Variants in CADPS observed in about 807,000 individuals in gnomAD.
The protein encoded by CADPS is calcium-dependent secretion activator 1.
In CADPS, 57 loss-of-function variants were observed where a neutral mutation model predicts 167.3. That is an observed-to-expected ratio of 0.34 (90% CI 0.28 to 0.42). The LOEUF (loss-of-function observed/expected upper bound fraction) is 0.42, where lower values mean the gene tolerates loss of function less well. CADPS is among the 20% of genes least tolerant of loss of function. The probability of loss-of-function intolerance (pLI) is 1.00; values close to 1 mark genes in which losing one functional copy is unlikely to be tolerated. For missense variants in CADPS, 1,414 were observed against 1,738.1 expected (o/e 0.81, Z 3.32); for synonymous variants, 676 against 635.3 (o/e 1.06, Z -0.96).
chr3:62,645,807 C>A lies in CADPS; in HGVS notation c.1240G>T (p.Ala414Ser), dbSNP rs142795732. Reference protein sequence around the residue: ...IMEVQGLKSLAPNRIVYCTME... With the variant: ...IMEVQGLKSLSPNRIVYCTME... ...GTGCAATATACGATGCGATTTGGAGCCAAAGATTTGAGGCCTTGGACTTCC... is the reference window on the plus strand; with the variant it reads ...GTGCAATATACGATGCGATTTGGAGACAAAGATTTGAGGCCTTGGACTTCC... Residue 414 changes from alanine to serine, a missense_variant, in exon 6 of 30, where the codon GCT (alanine) becomes TCT (serine). Transcript: ENST00000383710. 2.7e-4 allele frequency: 434 copies of A among 1,614,038 alleles called. 1 individual carries two copies. The African/African-American group carries it at 5.1e-3, about 19-fold the overall frequency.
At chr3:62,531,144 CT>C (rs2073570893) in intron 13 of CADPS, among the ~76,000 whole-genome samples, 1 of 152,120 alleles carries the variant, frequency 6.6e-6, no homozygotes, top group African/African-American at 2.4e-5. Flanking sequence ...TACAAAAACA[CT>C]TCATTATTTT....
At chr3:62,711,946 A>G (rs2083469434) in intron 3 of CADPS, among the ~76,000 whole-genome samples, 1 of 152,320 alleles carries the variant, frequency 6.6e-6, no homozygotes, top group East Asian at 1.9e-4. Context: ...ACATCTAGAA[A>G]TACATATTTA....
chr3:62,734,070 G>C (rs192728753), intron 3 of CADPS, among the ~76,000 whole-genome samples: 91 of 152,186 alleles, frequency 6.0e-4, no homozygotes, highest in Non-Finnish European at 8.8e-4. Flanking sequence ...CATAATTTTT[G>C]CAGTTGTGAA....
At chr3:62,672,979 C>G (rs1451129260) in intron 3 of CADPS, among the ~76,000 whole-genome samples, 1 of 152,116 alleles carries the variant, frequency 6.6e-6, no homozygotes, top group African/African-American at 2.4e-5. Flanking sequence ...ATATTGCTAC[C>G]TTAGGGGCCT....
At chr3:62,553,129 C>G (rs1415273904) in intron 10 of CADPS, among the ~76,000 whole-genome samples, 1 of 152,088 alleles carries the variant, frequency 6.6e-6, no homozygotes, top group Non-Finnish European at 1.5e-5. Context: ...TCAGGGAATG[C>G]CAGGACAAAC....
At chr3:62,647,977 G>A (rs561243555) in intron 5 of CADPS, among the ~76,000 whole-genome samples, 2 of 152,252 alleles carry the variant, frequency 1.3e-5, no homozygotes, top group African/African-American at 4.8e-5. Flanking sequence ...CCTGGCTACT[G>A]GGCACCCTGG....
chr3:62,401,724 C>T (rs1461318527), intron 29 of CADPS, among the ~76,000 whole-genome samples: 2 of 135,772 alleles, frequency 1.5e-5, no homozygotes, highest in Admixed American at 1.6e-4. Context: ...CTCTGTGGCT[C>T]ATACCACATT....
chr3:62,464,566 C>T (rs114216791), intron 26 of CADPS, among the ~76,000 whole-genome samples: 1,852 of 152,270 alleles, frequency 0.012, 38 homozygotes, highest in African/African-American at 0.041. Flanking sequence ...CCATTTATAG[C>T]AACCATCTTC....
At chr3:62,504,711 A>G (rs964201193) in intron 17 of CADPS, among the ~76,000 whole-genome samples, 10 of 152,142 alleles carry the variant, frequency 6.6e-5, no homozygotes, top group African/African-American at 2.4e-4. Context: ...TTGGTTTCCA[A>G]CTTCATTTAC....
intron 3 of CADPS, among the ~76,000 whole-genome samples, chr3:62,734,926 A>G (rs1034293548): frequency 1.3e-5 from 2 of 152,134 alleles, no homozygotes; most frequent in African/African-American, 4.8e-5. Flanking sequence ...GTAAAGAGTA[A>G]AATAGTTACT....
In CADPS at chr3:62,808,444, T is replaced by C. The variant is rs143690856; in HGVS notation, c.442-42460A>G. ...AAGTCTTCAGGGTCAAAGGGTGCGG[T>C]CAAAAAGTCCTGCTTCAGGCCCAGG... On this transcript the variant is annotated intron_variant, in intron 1 of 29. Transcript: ENST00000383710. Among the ~76,000 whole-genome samples, 882 of 152,182 alleles carry C rather than the reference T, an allele frequency of 5.8e-3. 6 individuals carry two copies. The highest frequency in any genetic ancestry group is 0.02 in the African/African-American group (837 of 41,538).
At chr3:62,706,840 G>A (rs9840908) in intron 3 of CADPS, among the ~76,000 whole-genome samples, 111,421 of 151,372 alleles carry the variant, frequency 0.74, 41,156 homozygotes, top group East Asian at 0.86. Context: ...TAATTACTGG[G>A]GACTCAGAAG....
intron 11 of CADPS, among the ~76,000 whole-genome samples, chr3:62,547,589 C>G (rs918200600): frequency 3.5e-5 from 3 of 86,192 alleles, no homozygotes; most frequent in South Asian, 5.2e-4. Context: ...CATTTACGCC[C>G]CCCCCCCCCC....
chr3:62,740,202 C>T (rs972625130), intron 3 of CADPS, among the ~76,000 whole-genome samples: 4 of 152,168 alleles, frequency 2.6e-5, no homozygotes, highest in Admixed American at 1.3e-4. Context: ...CACGCAGAGG[C>T]CCAGGCTACA....
chr3:62,561,166 T>C (rs2079092027), intron 9 of CADPS, among the ~76,000 whole-genome samples: 1 of 151,568 alleles, frequency 6.6e-6, no homozygotes, highest in South Asian at 2.1e-4. Flanking sequence ...GATTAGGCTG[T>C]AAATATGTAG....
At chr3:62,715,662 A>G (rs867781395) in intron 3 of CADPS, among the ~76,000 whole-genome samples, 16 of 151,024 alleles carry the variant, frequency 1.1e-4, no homozygotes, top group African/African-American at 3.6e-4. Flanking sequence ...CCATCAGACT[A>G]TGCTAATTCA....
chr3:62,759,706 A>T (rs902690609), intron 2 of CADPS, among the ~76,000 whole-genome samples: 2 of 152,306 alleles, frequency 1.3e-5, no homozygotes, highest in South Asian at 4.1e-4. Context: ...GTACCTGGAA[A>T]GATAGAAACC....
At chr3:62,842,844 T>C (rs535223642) in intron 1 of CADPS, among the ~76,000 whole-genome samples, 1 of 152,328 alleles carries the variant, frequency 6.6e-6, no homozygotes, top group East Asian at 1.9e-4. Flanking sequence ...TTTATAATCA[T>C]TTTCATGATA....
intron 1 of CADPS, among the ~76,000 whole-genome samples, chr3:62,828,858 C>T (rs1311001535): frequency 2.6e-5 from 4 of 152,054 alleles, no homozygotes; most frequent in Non-Finnish European, 4.4e-5. Context: ...TTTGGCCTAC[C>T]TGTGTTTTCT....
Sources: allele counts gnomAD v4.1 joint callset (sites outside exome capture counted in the v4.1 genomes callset), GRCh38; gene constraint gnomAD v4.1.1; transcripts MANE v1.5; gene names NCBI Gene and HGNC (gene_info 2026-07-23, HGNC 2026-07-21).